TMEM19: variants seen among roughly 807,000 people sequenced by gnomAD.
TMEM19 encodes the protein transmembrane protein 19.
Under a neutral mutation model 33.6 loss-of-function variants are expected in TMEM19, and 21 were observed. The ratio of observed to expected loss-of-function variants is 0.62; its 90% CI spans 0.44 to 0.90. The LOEUF is 0.90. Among genes scored for constraint, TMEM19 ranks in the 40% least tolerant of loss-of-function variants. TMEM19 has a pLI of 0.00. For synonymous variants in TMEM19, 149 were observed against 147.5 expected (o/e 1.01, Z -0.07); for missense variants, 402 against 401.8 (o/e 1.00, Z 0.00).
chr12:71,686,443 C>G lies in TMEM19; in HGVS notation c.-238C>G. Reference sequence around the variant, plus strand: ...CCGGCGACCGGCCCTCACCGTCCGCCGGGTTGCGCTCTGCTTTTGCGGTGA... The same window carrying G: ...CCGGCGACCGGCCCTCACCGTCCGCGGGGTTGCGCTCTGCTTTTGCGGTGA... On this transcript the variant is annotated 5_prime_UTR_variant, in exon 1 of 6. Coordinates refer to ENST00000266673, the MANE Select transcript of TMEM19 (RefSeq NM_018279.4). The G allele has an allele frequency of 2.7e-6, 1 of 376,138 alleles. No homozygotes were observed. The highest frequency in any genetic ancestry group is 4.7e-6 in the Non-Finnish European group (1 of 211,748). The allele number at this position is 376,138 out of a possible 1,614,324, so 23.3% of individuals were successfully genotyped here. A position where few individuals can be genotyped will look rare whatever the true frequency, so the allele number is the denominator to read the frequency against.
In TMEM19 at chr12:71,701,605, A is replaced by AT. The variant is rs1254788447; in HGVS notation, c.*611dup. On this transcript the variant is annotated 3_prime_UTR_variant, in exon 6 of 6. Coordinates refer to ENST00000266673, the MANE Select transcript of TMEM19 (RefSeq NM_018279.4). ...CAGGGTTAGTGATGAAAAAAAGTAA[A>AT]TATCTTTTTCATATGTCCATTAGAA... 6.6e-6 allele frequency: 1 copy of AT among 152,212 alleles called. No homozygotes were observed. Among genetic ancestry groups the AT allele is most frequent in the Non-Finnish European group, 1.5e-5 (1 of 68,042 alleles). The allele number at this position is 152,212 out of a possible 1,614,324, so 9.4% of individuals were successfully genotyped here.
chr12:71,697,224 G>T, intron 3 of TMEM19, 56 bp from the exon 4 acceptor site: 2 of 1,547,340 alleles, frequency 1.3e-6, no homozygotes, highest in East Asian at 2.4e-5. Flanking sequence ...ATAACTGCAT[G>T]GTTTTTCTTC....
intron 1 of TMEM19, among the ~76,000 whole-genome samples, chr12:71,687,389 G>A (rs923520134): frequency 1.3e-5 from 2 of 152,046 alleles, no homozygotes; most frequent in Non-Finnish European, 2.9e-5. Context: ...GACCAGCCTG[G>A]CCAACACGGT....
chr12:71,689,038 A>G (rs1183313226), intron 1 of TMEM19, among the ~76,000 whole-genome samples: 1 of 152,172 alleles, frequency 6.6e-6, no homozygotes, highest in Non-Finnish European at 1.5e-5. Context: ...ATAGCAGTAA[A>G]AGGTTTTCAA....
In TMEM19 at chr12:71,703,542, T is replaced by C. The variant is rs1260060832; in HGVS notation, c.*2547T>C. The C allele has an allele frequency of 6.5e-6, 1 of 153,044 alleles. No homozygotes were observed. The highest frequency in any genetic ancestry group is 1.5e-5 in the Non-Finnish European group (1 of 68,590). The allele number at this position is 153,044 out of a possible 1,614,324, so 9.5% of individuals were successfully genotyped here. A position where few individuals can be genotyped will look rare whatever the true frequency, so the allele number is the denominator to read the frequency against. On this transcript the variant is annotated 3_prime_UTR_variant, in exon 6 of 6. Coordinates refer to ENST00000266673, the MANE Select transcript of TMEM19 (RefSeq NM_018279.4). ...CTTTGAATTTAGTAGAATCACTGTATCATTAACAGTTTGGGGAAGTACTGC... is the reference window on the plus strand; with the variant it reads ...CTTTGAATTTAGTAGAATCACTGTACCATTAACAGTTTGGGGAAGTACTGC...
intron 1 of TMEM19, among the ~76,000 whole-genome samples, 161 bp from the exon 2 acceptor site, chr12:71,689,430 T>G (rs1356782463): frequency 6.6e-6 from 1 of 152,214 alleles, no homozygotes. Flanking sequence ...AACATATCCC[T>G]ATCTTTAAGT....
In TMEM19 at chr12:71,701,872, A is replaced by G. The variant is rs1010010716; in HGVS notation, c.*877A>G. On this transcript the variant is annotated 3_prime_UTR_variant, in exon 6 of 6. Coordinates refer to ENST00000266673, the MANE Select transcript of TMEM19 (RefSeq NM_018279.4). ...TCTTTATAAATTTACTGTCATATCAATTGCTGGAAAATGCTATGATTTTTC... is the reference window on the plus strand; with the variant it reads ...TCTTTATAAATTTACTGTCATATCAGTTGCTGGAAAATGCTATGATTTTTC... The G allele has an allele frequency of 1.3e-5, 2 of 152,138 alleles. No homozygotes were observed. Among genetic ancestry groups the G allele is most frequent in the African/African-American group, 4.8e-5 (2 of 41,404 alleles). The allele number at this position is 152,138 out of a possible 1,614,324, so 9.4% of individuals were successfully genotyped here. A position where few individuals can be genotyped will look rare whatever the true frequency, so the allele number is the denominator to read the frequency against.
chr12:71,693,993 G>A (rs1489041651), intron 2 of TMEM19, among the ~76,000 whole-genome samples: 1 of 152,142 alleles, frequency 6.6e-6, no homozygotes, highest in East Asian at 1.9e-4. Flanking sequence ...GTTTTTATTA[G>A]CAGCGTGACA....
chr12:71,703,478 C>A lies in TMEM19; in HGVS notation c.*2483C>A, dbSNP rs573317247. The A allele has an allele frequency of 6.6e-6, 1 of 152,342 alleles. No homozygotes were observed. The highest frequency in any genetic ancestry group is 1.5e-5 in the Non-Finnish European group (1 of 68,108). The allele number at this position is 152,342 out of a possible 1,614,324, so 9.4% of individuals were successfully genotyped here. ...CTTTTTTTCCCTGGAGATTTATCCT[C>A]ATGACATACAAGGGGACAAAAATAT... is the stretch of plus-strand genomic sequence containing the variant. On this transcript the variant is annotated 3_prime_UTR_variant, in exon 6 of 6. Coordinates refer to ENST00000266673, the MANE Select transcript of TMEM19 (RefSeq NM_018279.4).
At chr12:71,699,367 G>A (rs141121828) in intron 5 of TMEM19, 7 of 567,418 alleles carry the variant, frequency 1.2e-5, no homozygotes, top group African/African-American at 7.5e-5. Context: ...AGACGTTTTT[G>A]TGTGAGCCAT....
chr12:71,686,515 T>C lies in TMEM19; in HGVS notation c.-166T>C. 2 of 685,084 alleles carry C rather than the reference T, an allele frequency of 2.9e-6. No homozygotes were observed. Among genetic ancestry groups the C allele is most frequent in the East Asian group, 3.4e-5 (1 of 29,164 alleles). 42.4% of individuals were successfully genotyped at this position (685,084 alleles called of 1,614,324 possible). A position where few individuals can be genotyped will look rare whatever the true frequency, so the allele number is the denominator to read the frequency against. On this transcript the variant is annotated 5_prime_UTR_variant, in exon 1 of 6. Transcript: ENST00000266673. ...AATTGGAGCTCTCCGCCAGTAGGAG[T>C]TTCCGGAAGGAGTTTGAATTTTTGT...
At chr12:71,690,546 A>C (rs780194099) in intron 2 of TMEM19, 1 of 152,236 alleles carries the variant, frequency 6.6e-6, no homozygotes, top group Non-Finnish European at 1.5e-5. Flanking sequence ...ACGTGGTGTC[A>C]GTTCTCATGG....
chr12:71,691,814 T>G (rs999803084), intron 2 of TMEM19, among the ~76,000 whole-genome samples: 1 of 152,034 alleles, frequency 6.6e-6, no homozygotes, highest in African/African-American at 2.4e-5. Context: ...GGTCAAGTCC[T>G]TCTTGAAATT....
At chr12:71,695,183 C>G (rs997664215) in intron 2 of TMEM19, among the ~76,000 whole-genome samples, 1 of 152,152 alleles carries the variant, frequency 6.6e-6, no homozygotes, top group African/African-American at 2.4e-5. Context: ...AAGTTCCAAG[C>G]GATCTTTACA....
chr12:71,691,650 T>G (rs1881788431), intron 2 of TMEM19, among the ~76,000 whole-genome samples: 2 of 138,788 alleles, frequency 1.4e-5, no homozygotes, highest in Non-Finnish European at 1.5e-5. Flanking sequence ...TAGCCTGGCG[T>G]GGTAGTGCAC....
At position 71,700,983 on chromosome 12, in the gene TMEM19, G is replaced by T. The variant is rs1353197055; in HGVS notation, c.999G>T (p.Trp333Cys). 1 of 1,608,634 alleles carries T rather than the reference G, an allele frequency of 6.2e-7. No individual in the cohort carries two copies. Among genetic ancestry groups the T allele is most frequent in the Admixed American group, 1.7e-5 (1 of 58,830 alleles). Reference protein sequence around the residue: ...LLLPTAAWGFWPRG With the variant: ...LLLPTAAWGFCPRG ...TCCCAACTGCTGCTTGGGGTTTTTG[G>T]CCCAGGGGGTGAACTTTATTTCATT... Residue 333 changes from tryptophan (W) to cysteine (C), a missense_variant, in exon 6 of 6, where the codon TGG becomes TGT. Physicochemically the swap from Trp to Cys is radical, Grantham distance 215. Transcript: ENST00000266673.
At chr12:71,696,359 G>T in intron 2 of TMEM19, 77 bp from the exon 3 acceptor site, 1 of 1,259,858 alleles carries the variant, frequency 7.9e-7, no homozygotes, top group Non-Finnish European at 1.1e-6. Flanking sequence ...TAAAAATAAT[G>T]GAAAAAATCC....
At chr12:71,686,977 C>A (rs1881701934) in intron 1 of TMEM19, among the ~76,000 whole-genome samples, 167 bp downstream of exon 1, 1 of 151,892 alleles carries the variant, frequency 6.6e-6, no homozygotes, top group Admixed American at 6.6e-5. Context: ...ATAAACAATG[C>A]CTTTAATAAA....
chr12:71,690,306 T>G (rs540942047), intron 2 of TMEM19: 2 of 152,346 alleles, frequency 1.3e-5, no homozygotes, highest in Admixed American at 6.5e-5. Flanking sequence ...TGTGCCACCA[T>G]GCCCAGCTAA....
Sources: allele counts gnomAD v4.1 joint callset (sites outside exome capture counted in the v4.1 genomes callset), GRCh38; gene constraint gnomAD v4.1.1; transcripts MANE v1.5; gene names NCBI Gene and HGNC (gene_info 2026-07-23, HGNC 2026-07-21).